The following PCDH7 variants were observed in gnomAD, a reference collection of about 807,000 sequenced individuals.
PCDH7 encodes the protein protocadherin-7.
PCDH7 carries 17 observed loss-of-function variants against 58.9 expected under a neutral mutation model. The ratio of observed to expected loss-of-function variants is 0.29; its 90% CI spans 0.20 to 0.43. The LOEUF (loss-of-function observed/expected upper bound fraction) is 0.43, where lower values mean the gene tolerates loss of function less well. Among genes scored for constraint, PCDH7 ranks in the 20% least tolerant of loss-of-function variants. The pLI is 1.00. For missense variants in PCDH7, 1,274 were observed against 1,441.0 expected (o/e 0.88, Z 1.88); for synonymous variants, 664 against 616.4 (o/e 1.08, Z -1.14).
chr4:30,904,005 A>G (rs1466313094), intron 1 of PCDH7, among the ~76,000 whole-genome samples: 1 of 152,194 alleles, frequency 6.6e-6, no homozygotes, highest in Non-Finnish European at 1.5e-5. Flanking sequence ...TTAGAATGAC[A>G]TGTGATTTGC....
At chr4:30,954,377 G>A (rs915101834) in intron 3 of PCDH7, among the ~76,000 whole-genome samples, 1 of 151,716 alleles carries the variant, frequency 6.6e-6, no homozygotes, top group Non-Finnish European at 1.5e-5. Flanking sequence ...GTGTGACTTT[G>A]TACAATATTC....
intron 1 of PCDH7, among the ~76,000 whole-genome samples, chr4:30,869,500 T>C (rs891530210): frequency 1.3e-5 from 2 of 152,182 alleles, no homozygotes; most frequent in African/African-American, 4.8e-5. Flanking sequence ...GTTCTCATTG[T>C]TCAACTCCTA....
intron 1 of PCDH7, among the ~76,000 whole-genome samples, chr4:30,844,274 C>G (rs1197056490): frequency 1.3e-5 from 2 of 152,152 alleles, no homozygotes; most frequent in Non-Finnish European, 2.9e-5. Context: ...TGTAATGTTA[C>G]TAAACAAACA....
rs1346066957 is a variant in PCDH7 at position 30,728,139 on chromosome 4, C to A, written c.3175-2614C>A. Among the ~76,000 whole-genome samples, 3 of 151,536 alleles carry A rather than the reference C, an allele frequency of 2.0e-5. No individual in the cohort carries two copies. The South Asian group carries it at 6.2e-4, about 32-fold the overall frequency. On this transcript the variant is annotated intron_variant, in intron 1 of 1. Transcript: ENST00000361762. ...TTATGTTCAATATATTCATTGTATA[C>A]CTAGTGAAAAAATTTGGGAGAATTT...
At chr4:30,771,180 TTG>T (rs746995335) in intron 1 of PCDH7, among the ~76,000 whole-genome samples, 8 of 152,206 alleles carry the variant, frequency 5.3e-5, no homozygotes, top group Non-Finnish European at 8.8e-5. Context: ...TGTTTTTAAT[TTG>T]TGTTTCTTAT....
intron 3 of PCDH7, among the ~76,000 whole-genome samples, chr4:31,141,473 C>A (rs1720248218): frequency 6.6e-6 from 1 of 152,186 alleles, no homozygotes; most frequent in South Asian, 2.1e-4. Flanking sequence ...TTTCTCTCTC[C>A]CATTCTCTCT....
At chr4:31,075,751 A>G (rs1156472943) in intron 3 of PCDH7, among the ~76,000 whole-genome samples, 6 of 152,138 alleles carry the variant, frequency 3.9e-5, no homozygotes, top group Non-Finnish European at 8.8e-5. Flanking sequence ...CTTAAATTCA[A>G]CTAGGAATGT....
chr4:30,739,173 T>C (rs1462967024), intron 1 of PCDH7, among the ~76,000 whole-genome samples: 1 of 139,168 alleles, frequency 7.2e-6, no homozygotes, highest in Non-Finnish European at 1.5e-5. Flanking sequence ...TATATATATA[T>C]CTGTGTTCCA....
At chr4:31,053,715 G>A (rs1208388587) in intron 3 of PCDH7, among the ~76,000 whole-genome samples, 1 of 152,020 alleles carries the variant, frequency 6.6e-6, no homozygotes, top group Non-Finnish European at 1.5e-5. Flanking sequence ...TGTTCGTCAC[G>A]TATATTATTG....
intron 3 of PCDH7, among the ~76,000 whole-genome samples, chr4:31,019,428 G>A (rs975258870): frequency 3.9e-5 from 6 of 152,136 alleles, no homozygotes; most frequent in South Asian, 4.1e-4. Context: ...TCCTGGCCAG[G>A]CATGGTGGCT....
Position 31,094,875 on chromosome 4 carries a change from A to T in PCDH7, c.*8-47598A>T, listed in dbSNP as rs1332345947. On this transcript the variant is annotated intron_variant, in intron 3 of 3. Coordinates refer to the PCDH7 transcript ENST00000509759. ...GATGCCTTAGGGATATGTTACCTAG[A>T]GTTTGGAAGCTAGCATCAAATACCA... Among the ~76,000 whole-genome samples, 7 of 151,468 alleles carry T rather than the reference A, an allele frequency of 4.6e-5. No homozygotes were observed. In the East Asian group the frequency reaches 1.3e-3, roughly 29 times the overall value.
chr4:30,906,783 G>T lies in PCDH7; in HGVS notation c.71-13370G>T, dbSNP rs145783001. Among the ~76,000 whole-genome samples the T allele has an allele frequency of 9.2e-3, 1,404 of 152,246 alleles. 27 individuals are homozygous for T. Among genetic ancestry groups the T allele is most frequent in the African/African-American group, 0.032 (1,345 of 41,546 alleles). ...CACACCTGTAATCCCAGCAGTTAGG[G>T]AGGCCGAGGCAGGAGGATCACCTGA... On this transcript the variant is annotated intron_variant, in intron 1 of 3. Transcript: ENST00000509759.
intron 2 of PCDH7, among the ~76,000 whole-genome samples, chr4:30,949,701 A>G (rs367630746): frequency 6.6e-6 from 1 of 152,158 alleles, no homozygotes; most frequent in Non-Finnish European, 1.5e-5. Flanking sequence ...AGACAGTTAT[A>G]TAACAGCTAG....
At chr4:31,047,291 G>A (rs552225655) in intron 3 of PCDH7, among the ~76,000 whole-genome samples, 3 of 152,092 alleles carry the variant, frequency 2.0e-5, no homozygotes, top group Non-Finnish European at 4.4e-5. Context: ...AATTTCCCAC[G>A]CATGTGTACA....
intron 3 of PCDH7, among the ~76,000 whole-genome samples, chr4:31,011,766 A>G (rs1753203470): frequency 6.6e-6 from 1 of 152,032 alleles, no homozygotes; most frequent in Non-Finnish European, 1.5e-5. Flanking sequence ...TTTATTTAAA[A>G]TTAATGTTTG....
Position 30,723,179 on chromosome 4 carries a change from C to T in PCDH7, c.1757C>T (p.Pro586Leu). The change falls in exon 1 of 2, where the codon CCC (proline) becomes CTC (leucine). Residue 586 changes from proline to leucine, a missense_variant. This residue lies in a region of PCDH7 where 731 missense variants were observed against 881.9 expected (regional missense o/e 0.83). Coordinates refer to ENST00000361762, the Ensembl canonical transcript of PCDH7. This position sits in a 1 kb window ranked among gnomAD's most constrained non-coding sequence, Gnocchi z 4.6. ...GTGATGGGGATCTTTGCCATCGATC[C>T]CGATTCTGGGGACATCCTGGTCAAT... 1 of 1,614,072 alleles carries T rather than the reference C, an allele frequency of 6.2e-7. No homozygotes were observed. The highest frequency in any genetic ancestry group is 8.5e-7 in the Non-Finnish European group (1 of 1,180,040).
At chr4:31,039,003 T>G (rs1232393326) in intron 3 of PCDH7, among the ~76,000 whole-genome samples, 2 of 152,212 alleles carry the variant, frequency 1.3e-5, no homozygotes, top group Non-Finnish European at 2.9e-5. Context: ...ATATACCAAG[T>G]GCTTAATATA....
intron 3 of PCDH7, among the ~76,000 whole-genome samples, chr4:31,128,078 T>C (rs1578870879): frequency 6.7e-6 from 1 of 148,924 alleles, no homozygotes; most frequent in Non-Finnish European, 1.5e-5. Context: ...TGTGTGTGTA[T>C]ATATATGCAT....
intron 3 of PCDH7, among the ~76,000 whole-genome samples, chr4:31,008,607 T>G (rs547780400): frequency 2.0e-5 from 3 of 150,912 alleles, no homozygotes; most frequent in African/African-American, 7.4e-5. Context: ...CAGGGTTTCC[T>G]CTTAAAAAAA....
Sources: allele counts gnomAD v4.1 joint callset (sites outside exome capture counted in the v4.1 genomes callset), GRCh38; gene constraint gnomAD v4.1.1; regional missense constraint gnomAD v4.1.1; non-coding constraint Gnocchi (gnomAD v3.1); transcripts MANE v1.5; gene names NCBI Gene and HGNC (gene_info 2026-07-23, HGNC 2026-07-21).